Variants in BICDL1 observed in about 807,000 individuals in gnomAD.
BICDL1 encodes BICD family like cargo adaptor 1.
In BICDL1, 20 loss-of-function variants were observed where a neutral mutation model predicts 76.8. That is an observed-to-expected ratio of 0.26 (90% confidence interval 0.18 to 0.38). The LOEUF is 0.38. Ranked by LOEUF, BICDL1 falls within the 10% of genes least tolerant of loss-of-function variation. The pLI, the probability that BICDL1 is intolerant of heterozygous loss-of-function variation, is 1.00. For synonymous variants in BICDL1, 383 were observed against 337.1 expected, an observed-to-expected ratio of 1.14 and a Z score of -1.49; for missense variants, 700 against 798.6, an observed-to-expected ratio of 0.88 and a Z score of 1.49.
intron 8 of BICDL1, among the ~76,000 whole-genome samples, chr12:120,084,026 C>T (rs1248236910): frequency 6.6e-6 from 1 of 151,136 alleles, no homozygotes; most frequent in Non-Finnish European, 1.5e-5. Flanking sequence ...TTCTTTGAGA[C>T]GGAGTCTCAC....
At chr12:120,000,415 C>G (rs1390240099) in intron 2 of BICDL1, 2 of 152,184 alleles carry the variant, frequency 1.3e-5, no homozygotes, top group African/African-American at 4.8e-5. Context: ...GGAATGGAAT[C>G]TCTATCCTTG....
chr12:120,045,250 A>AT (rs1283260009), intron 2 of BICDL1, among the ~76,000 whole-genome samples: 5 of 152,244 alleles, frequency 3.3e-5, no homozygotes, highest in Non-Finnish European at 5.9e-5. Flanking sequence ...AATGGCAATC[A>AT]TTAAAAAGTC....
At chr12:120,075,990 C>T (rs1355187867) in intron 7 of BICDL1, among the ~76,000 whole-genome samples, 1 of 152,230 alleles carries the variant, frequency 6.6e-6, no homozygotes, top group Non-Finnish European at 1.5e-5. Context: ...GAAACCCCAT[C>T]TCTACTAAAA....
chr12:120,093,129 A>G lies in BICDL1; in HGVS notation c.1834A>G (p.Lys612Glu). 5.6e-6 allele frequency: 9 copies of G among 1,612,938 alleles called. No homozygotes were observed. Among genetic ancestry groups the G allele is most frequent in the Non-Finnish European group, 6.8e-6 (8 of 1,179,352 alleles). Residue 612 changes from lysine (K) to glutamate (E), a missense_variant, in exon 10 of 10, where the codon AAA becomes GAA. Transcript: ENST00000548673. ...RGDEPSIAEG[K>E]RLFSFFRKI ...GGATGAGCCCAGCATCGCTGAAGGCAAACGACTCTTCTCATTCTTCAGGAA... is the reference window on the plus strand; with the variant it reads ...GGATGAGCCCAGCATCGCTGAAGGCGAACGACTCTTCTCATTCTTCAGGAA...
chr12:120,047,851 T>C (rs1323104745), intron 2 of BICDL1, among the ~76,000 whole-genome samples: 2 of 152,202 alleles, frequency 1.3e-5, no homozygotes, highest in African/African-American at 4.8e-5. Flanking sequence ...ATTTATTCTG[T>C]GCTTTATATT....
At chr12:119,990,563 A>C (rs557171312) in intron 1 of BICDL1, among the ~76,000 whole-genome samples, 3 of 152,208 alleles carry the variant, frequency 2.0e-5, no homozygotes, top group South Asian at 2.1e-4. Flanking sequence ...CAGCATCTAA[A>C]ATAGAGCTTA....
chr12:119,991,101 T>C (rs1951513013), intron 1 of BICDL1, among the ~76,000 whole-genome samples: 1 of 152,082 alleles, frequency 6.6e-6, no homozygotes. Flanking sequence ...AAAAGGGCCT[T>C]GAATGCAGTA....
chr12:120,045,124 T>C (rs979088829), intron 2 of BICDL1, among the ~76,000 whole-genome samples: 2 of 152,066 alleles, frequency 1.3e-5, no homozygotes, highest in African/African-American at 4.8e-5. Context: ...AAACAGACAC[T>C]TCTCAAAAGA....
At chr12:120,024,637 T>G (rs1566225016) in intron 2 of BICDL1, among the ~76,000 whole-genome samples, 1 of 152,206 alleles carries the variant, frequency 6.6e-6, no homozygotes, top group Non-Finnish European at 1.5e-5. Context: ...CCGTCCAGTG[T>G]ACCCTTCAGT....
chr12:120,011,004 G>T (rs1382886409), intron 2 of BICDL1, among the ~76,000 whole-genome samples: 1 of 152,208 alleles, frequency 6.6e-6, no homozygotes, highest in South Asian at 2.1e-4. Flanking sequence ...CGTTAATACT[G>T]AAGTTGTTGT....
At chr12:120,058,432 G>A (rs1316706250) in intron 2 of BICDL1, among the ~76,000 whole-genome samples, 1 of 152,170 alleles carries the variant, frequency 6.6e-6, no homozygotes, top group Non-Finnish European at 1.5e-5. Flanking sequence ...TGTCAAAGTG[G>A]TGATGGTAGG....
rs779450061 is a variant in BICDL1, at chr12:120,064,785, C to T, written c.815C>T (p.Thr272Ile). The stretch of plus-strand genomic sequence containing the variant: ...GAGCTGGAGCATCGTCTCAGCGCTA[C>T]TTTAGAGGAAAATGACCTGCTCCAA... ...KRELEHRLSA[T>I]LEENDLLQGT... Residue 272 changes from threonine (T) to isoleucine (I), a missense_variant, in exon 4 of 10, where the codon ACT becomes ATT. Coordinates refer to ENST00000548673, the MANE Select transcript of BICDL1 (RefSeq NM_001367886.1). The T allele has an allele frequency of 1.9e-6, 3 of 1,613,862 alleles. No individual in the cohort carries two copies. The highest frequency in any genetic ancestry group is 2.5e-6 in the Non-Finnish European group (3 of 1,179,886).
intron 1 of BICDL1, among the ~76,000 whole-genome samples, chr12:119,995,073 C>T (rs1427698031): frequency 1.3e-5 from 2 of 152,096 alleles, no homozygotes; most frequent in Admixed American, 6.6e-5. Context: ...CTGGCAGTTT[C>T]TTAACCTTAT....
intron 2 of BICDL1, among the ~76,000 whole-genome samples, chr12:120,035,931 T>G (rs1333003072): frequency 6.6e-6 from 1 of 152,272 alleles, no homozygotes; most frequent in Non-Finnish European, 1.5e-5. Context: ...GTTTTGCCTT[T>G]CTGGAATTTT....
chr12:120,027,027 CTT>C (rs10606114), intron 2 of BICDL1, among the ~76,000 whole-genome samples: 29,692 of 117,602 alleles, frequency 0.25, 3,314 homozygotes, highest in East Asian at 0.38. Context: ...GATGTAATTT[CTT>C]TTTTTTTTTT....
At chr12:120,043,034 G>C (rs1952675127) in intron 2 of BICDL1, among the ~76,000 whole-genome samples, 1 of 152,080 alleles carries the variant, frequency 6.6e-6, no homozygotes, top group Non-Finnish European at 1.5e-5. Flanking sequence ...TTGAATCCTA[G>C]CTCCACCATT....
At chr12:120,010,535 T>C (rs1453909560) in intron 2 of BICDL1, among the ~76,000 whole-genome samples, 1 of 152,164 alleles carries the variant, frequency 6.6e-6, no homozygotes, top group Non-Finnish European at 1.5e-5. Context: ...TGGAAAACCA[T>C]TGGTTTCAAT....
At chr12:119,997,677 C>A (rs1162901924) in intron 1 of BICDL1, among the ~76,000 whole-genome samples, 1 of 152,154 alleles carries the variant, frequency 6.6e-6, no homozygotes, top group Non-Finnish European at 1.5e-5. Flanking sequence ...GTCACTTAAC[C>A]TCTTCTGTTG....
rs1952209050 is a variant in BICDL1, at chr12:120,022,694, T to C, written c.645+23958T>C. ...AACAATGTTTTCAAGAGACTAGATATCAGGTAATGCAGGAGAGTGATCCCC... is the reference window on the plus strand; with the variant it reads ...AACAATGTTTTCAAGAGACTAGATACCAGGTAATGCAGGAGAGTGATCCCC... On this transcript the variant is annotated intron_variant, in intron 2 of 9. Transcript: ENST00000548673. Among the ~76,000 whole-genome samples the C allele has an allele frequency of 4.0e-5, 6 of 151,750 alleles. 1 individual carries two copies. Among genetic ancestry groups the C allele is most frequent in the Admixed American group, 3.9e-4 (6 of 15,206 alleles).
Sources: gnomAD v4.1 joint callset for allele counts (sites outside exome capture counted in the v4.1 genomes callset) on GRCh38, gnomAD v4.1.1 for gene constraint, MANE v1.5 for transcripts, NCBI Gene and HGNC (gene_info 2026-07-23, HGNC 2026-07-21) for gene names.